Variants in CSMD1 observed in about 807,000 individuals in gnomAD.
The protein encoded by CSMD1 is CUB and sushi domain-containing protein 1.
CSMD1 carries 213 observed loss-of-function variants against 417.5 expected under a neutral mutation model. That is an observed-to-expected ratio of 0.51 (90% CI 0.46 to 0.57). The LOEUF is 0.57. Ranked by LOEUF, CSMD1 falls within the 20% of genes least tolerant of loss-of-function variation. CSMD1 has a pLI of 0.00. For missense variants in CSMD1, 6,923 were observed against 4,529.7 expected (o/e 1.53, Z -15.17); for synonymous variants, 2,862 against 1,736.8 (o/e 1.65, Z -16.11).
At chr8:4,757,047 T>C (rs983112685) in intron 1 of CSMD1, among the ~76,000 whole-genome samples, 5 of 152,234 alleles carry the variant, frequency 3.3e-5, no homozygotes, top group African/African-American at 9.6e-5. Flanking sequence ...AGGAATGCAT[T>C]GTGTTTAAGA....
intron 25 of CSMD1, among the ~76,000 whole-genome samples, chr8:3,305,043 TTTAA>T (rs1012053062): frequency 3.3e-5 from 5 of 152,150 alleles, no homozygotes; most frequent in Admixed American, 1.3e-4. Context: ...TAATATTTAA[TTTAA>T]TTAATTTATT....
At chr8:3,476,468 G>T (rs956330341) in intron 11 of CSMD1, among the ~76,000 whole-genome samples, 1 of 152,004 alleles carries the variant, frequency 6.6e-6, no homozygotes, top group East Asian at 1.9e-4. Flanking sequence ...TGGATTTCTG[G>T]GCCATATGAT....
intron 3 of CSMD1, among the ~76,000 whole-genome samples, chr8:4,274,033 A>G (rs1354327754): frequency 2.0e-5 from 3 of 152,164 alleles, no homozygotes; most frequent in Non-Finnish European, 4.4e-5. Context: ...GTCACTTAAA[A>G]TAAATGCAGA....
At chr8:3,593,260 C>G (rs1800941394) in intron 8 of CSMD1, among the ~76,000 whole-genome samples, 1 of 152,224 alleles carries the variant, frequency 6.6e-6, no homozygotes, top group African/African-American at 2.4e-5. Context: ...CGCGTTGTGT[C>G]TGTGTGTTCA....
intron 1 of CSMD1, among the ~76,000 whole-genome samples, chr8:4,703,899 C>G (rs927394072): frequency 1.3e-5 from 2 of 152,154 alleles, no homozygotes; most frequent in Non-Finnish European, 2.9e-5. Flanking sequence ...TGGGATGAAA[C>G]TGTTCCACCT....
intron 17 of CSMD1, among the ~76,000 whole-genome samples, chr8:3,388,253 G>T (rs1227160218): frequency 6.6e-6 from 1 of 152,206 alleles, no homozygotes; most frequent in Non-Finnish European, 1.5e-5. Flanking sequence ...CCACTTGCAA[G>T]ATAGCTACTA....
intron 26 of CSMD1, among the ~76,000 whole-genome samples, chr8:3,282,489 C>A (rs1439797250): frequency 2.0e-5 from 3 of 152,156 alleles, no homozygotes; most frequent in Non-Finnish European, 4.4e-5. Context: ...CAATGAATCA[C>A]AATTCTACCA....
intron 2 of CSMD1, among the ~76,000 whole-genome samples, chr8:4,631,158 C>G (rs1427341798): frequency 6.6e-6 from 1 of 152,042 alleles, no homozygotes; most frequent in Non-Finnish European, 1.5e-5. Flanking sequence ...GTCAGGAGTT[C>G]TAGACCAGCC....
At chr8:4,705,833 C>G (rs990048258) in intron 1 of CSMD1, among the ~76,000 whole-genome samples, 3 of 152,132 alleles carry the variant, frequency 2.0e-5, no homozygotes, top group African/African-American at 7.2e-5. Context: ...TATGAGCCAG[C>G]TGCATCTGAG....
chr8:4,205,917 C>A (rs1363278092), intron 3 of CSMD1, among the ~76,000 whole-genome samples: 1 of 152,176 alleles, frequency 6.6e-6, no homozygotes, highest in Non-Finnish European at 1.5e-5. Context: ...AGTCCTCCTG[C>A]AGCCACGTTT....
At chr8:4,748,924 T>G (rs975806142) in intron 1 of CSMD1, among the ~76,000 whole-genome samples, 1 of 152,230 alleles carries the variant, frequency 6.6e-6, no homozygotes, top group African/African-American at 2.4e-5. Context: ...CTGCAGACAC[T>G]GGGCAGTAAT....
At chr8:4,642,691 T>A (rs2130871806) in intron 1 of CSMD1, among the ~76,000 whole-genome samples, 1 of 152,354 alleles carries the variant, frequency 6.6e-6, no homozygotes, top group Non-Finnish European at 1.5e-5. Flanking sequence ...CCTCATTTAA[T>A]TCGTGCACAG....
At chr8:4,542,458 G>T (rs575381321) in intron 2 of CSMD1, among the ~76,000 whole-genome samples, 1 of 152,012 alleles carries the variant, frequency 6.6e-6, no homozygotes. Context: ...GAGAACAATG[G>T]GATATTTGAA....
At chr8:3,556,532 A>G (rs552567899) in intron 10 of CSMD1, among the ~76,000 whole-genome samples, 269 of 148,612 alleles carry the variant, frequency 1.8e-3, no homozygotes, top group Non-Finnish European at 3.3e-3. Context: ...ACACACACAC[A>G]CACACACACA....
intron 5 of CSMD1, among the ~76,000 whole-genome samples, chr8:3,990,377 G>C (rs964651395): frequency 1.4e-4 from 22 of 152,136 alleles, no homozygotes; most frequent in African/African-American, 5.1e-4. Context: ...GTTCAACTCT[G>C]CCCTAAGAAT....
chr8:4,345,642 G>A (rs968038270), intron 3 of CSMD1, among the ~76,000 whole-genome samples: 1 of 151,976 alleles, frequency 6.6e-6, no homozygotes, highest in Admixed American at 6.6e-5. Context: ...ACTGAAACAC[G>A]GTTCAAATGA....
chr8:4,408,384 G>A (rs762266564), intron 3 of CSMD1, among the ~76,000 whole-genome samples: 13 of 152,198 alleles, frequency 8.5e-5, no homozygotes, highest in Non-Finnish European at 1.3e-4. Flanking sequence ...CAAAAAAGAG[G>A]CATTTTACCC....
intron 5 of CSMD1, among the ~76,000 whole-genome samples, chr8:3,915,947 C>G (rs1036601316): frequency 6.6e-6 from 1 of 151,096 alleles, no homozygotes; most frequent in Admixed American, 6.6e-5. Flanking sequence ...TGGCTCCAAA[C>G]TTTAGGTAAA....
chr8:4,646,020 T>A (rs1803494908), intron 1 of CSMD1, among the ~76,000 whole-genome samples: 1 of 152,142 alleles, frequency 6.6e-6, no homozygotes, highest in African/African-American at 2.4e-5. Context: ...GATTCCCAGA[T>A]CTCACATCGA....
Sources: allele counts gnomAD v4.1 joint callset (sites outside exome capture counted in the v4.1 genomes callset), GRCh38; gene constraint gnomAD v4.1.1; transcripts MANE v1.5; gene names NCBI Gene and HGNC (gene_info 2026-07-23, HGNC 2026-07-21).